RFPL1: variants seen among roughly 807,000 people sequenced by gnomAD.
RFPL1 encodes ret finger protein-like 1.
A neutral mutation model predicts 9.6 loss-of-function variants in RFPL1; 6 were observed. The ratio of observed to expected loss-of-function variants is 0.62; its 90% CI spans 0.34 to 1.23. The LOEUF (loss-of-function observed/expected upper bound fraction) is 1.23. Ranked by LOEUF, RFPL1 falls within the 50% of genes most tolerant of loss-of-function variation. The pLI, the probability that RFPL1 is intolerant of heterozygous loss-of-function variation, is 0.03. For synonymous variants in RFPL1, 145 were observed against 149.4 expected (o/e 0.97, Z 0.22); for missense variants, 352 against 398.4 (o/e 0.88, Z 0.99).
chr22:29,412,400 A>G, the RFPL1 span, among the ~76,000 whole-genome samples: 9 of 151,886 alleles, frequency 5.9e-5, no homozygotes, highest in African/African-American at 1.9e-4. Context: ...AGCGCTCCCG[A>G]GTAGCAGGGG....
At chr22:29,417,508 C>A in the RFPL1 span, among the ~76,000 whole-genome samples, 1 of 148,386 alleles carries the variant, frequency 6.7e-6, no homozygotes, top group Non-Finnish European at 1.5e-5. Flanking sequence ...GGTTATGAGG[C>A]ACAGGGCTGG....
At chr22:29,438,876 G>A (rs2146365739) in exon 1 of RFPL1, 1 of 1,613,958 alleles carries the variant, frequency 6.2e-7, no homozygotes, top group African/African-American at 1.3e-5. Flanking sequence ...CCTGGCAGTG[G>A]ACATGGCTGC....
At chr22:29,441,496 G>A (rs113035887) in intron 1 of RFPL1, 46 bp from the exon 2 acceptor site, 7 of 1,574,280 alleles carry the variant, frequency 4.4e-6, no homozygotes, top group African/African-American at 4.1e-5. Context: ...GAGGCATGGG[G>A]TTGGCTTCTG....
the RFPL1 span, among the ~76,000 whole-genome samples, chr22:29,423,382 C>CTTTTTTTTTTTTT: frequency 7.4e-6 from 1 of 134,434 alleles, no homozygotes; most frequent in Non-Finnish European, 1.6e-5. Context: ...AATCTATCAA[C>CTTTTTTTTTTTTT]TTTTTTTTTT....
chr22:29,401,723 A>T, the RFPL1 span, among the ~76,000 whole-genome samples: 1 of 152,122 alleles, frequency 6.6e-6, no homozygotes, highest in Non-Finnish European at 1.5e-5. Context: ...AGCCCTCTCC[A>T]CTGCGCAGAG....
exon 2 of RFPL1, chr22:29,442,215 G>A (rs1235834655): frequency 1.3e-5 from 11 of 874,236 alleles, no homozygotes; most frequent in Admixed American, 2.9e-5. Flanking sequence ...GTTATACAAA[G>A]TCATAGGAGA....
exon 1 of RFPL1, chr22:29,438,995 G>A: frequency 6.2e-7 from 1 of 1,614,052 alleles, no homozygotes; most frequent in Non-Finnish European, 8.5e-7. Flanking sequence ...ATTCACTGCA[G>A]AAGGAGCCCC....
chr22:29,428,801 G>C, the RFPL1 span, among the ~76,000 whole-genome samples: 3 of 152,150 alleles, frequency 2.0e-5, no homozygotes, highest in East Asian at 1.9e-4. Context: ...AGATGAAAAT[G>C]AAAACATAAT....
the RFPL1 span, among the ~76,000 whole-genome samples, chr22:29,392,377 GC>G: frequency 1.3e-5 from 1 of 75,732 alleles, no homozygotes; most frequent in Admixed American, 1.4e-4. Context: ...ACCACACCTG[GC>G]TTTTTTTTTT....
the RFPL1 span, among the ~76,000 whole-genome samples, chr22:29,424,840 C>CG: frequency 8.8e-6 from 1 of 113,542 alleles, no homozygotes; most frequent in East Asian, 3.3e-4. Flanking sequence ...CCCACCCCCC[C>CG]CCCCGCAAAA....
chr22:29,398,728 T>G, the RFPL1 span, among the ~76,000 whole-genome samples: 2 of 152,220 alleles, frequency 1.3e-5, no homozygotes, highest in Non-Finnish European at 2.9e-5. Context: ...ATTGTGATGA[T>G]TATGGTTTTT....
At chr22:29,438,474 C>T (rs552650691), upstream of RFPL1, 31 of 640,716 alleles carry the variant, frequency 4.8e-5, no homozygotes, top group African/African-American at 4.7e-4. Context: ...TGAGCCACCA[C>T]GCCCGGCCTC....
At chr22:29,441,272 T>TC (rs2062837446) in intron 1 of RFPL1, 1 of 474,330 alleles carries the variant, frequency 2.1e-6, no homozygotes. Context: ...TCAGAGACCC[T>TC]CCACTCTAAA....
chr22:29,409,957 A>G, the RFPL1 span, among the ~76,000 whole-genome samples: 1 of 152,190 alleles, frequency 6.6e-6, no homozygotes, highest in East Asian at 1.9e-4. Context: ...TTCTTCTTGA[A>G]AAATAATTTT....
upstream of RFPL1, among the ~76,000 whole-genome samples, chr22:29,433,973 G>T (rs1395526556): frequency 1.3e-5 from 2 of 151,716 alleles, no homozygotes. Flanking sequence ...GACTAGGCTG[G>T]TTGAGAATCT....
At chr22:29,442,240 T>G in exon 2 of RFPL1, 1 of 659,274 alleles carries the variant, frequency 1.5e-6, no homozygotes, top group Non-Finnish European at 2.4e-6. Flanking sequence ...TATGGGACAA[T>G]TCATGATTAT....
At chr22:29,393,637 C>T in the RFPL1 span, among the ~76,000 whole-genome samples, 2 of 152,108 alleles carry the variant, frequency 1.3e-5, no homozygotes, top group Non-Finnish European at 2.9e-5. Context: ...AAACTCCTTG[C>T]CCTAGGATGT....
At chr22:29,411,107 A>G in the RFPL1 span, among the ~76,000 whole-genome samples, 2 of 152,196 alleles carry the variant, frequency 1.3e-5, no homozygotes, top group Non-Finnish European at 2.9e-5. Flanking sequence ...TTTCCTGGAT[A>G]AGGAAGAGGA....
At chr22:29,424,834 C>CCA in the RFPL1 span, among the ~76,000 whole-genome samples, 31 of 46,230 alleles carry the variant, frequency 6.7e-4, 2 homozygotes, top group Non-Finnish European at 1.2e-3. Context: ...GTCCCTCCCA[C>CCA]CCCCCCCCCC....
Sources: allele counts gnomAD v4.1 joint callset (sites outside exome capture counted in the v4.1 genomes callset), GRCh38; gene constraint gnomAD v4.1.1; transcripts MANE v1.5; gene names NCBI Gene and HGNC (gene_info 2026-07-23, HGNC 2026-07-21).